EPHB1: variants seen among roughly 807,000 people sequenced by gnomAD.
EPHB1 encodes the protein ephrin type-B receptor 1.
In EPHB1, 30 loss-of-function variants were observed where a neutral mutation model predicts 94.4. That is an observed-to-expected ratio of 0.32 (90% CI 0.24 to 0.43). The LOEUF (loss-of-function observed/expected upper bound fraction) is 0.43. EPHB1 is among the 20% of genes least tolerant of loss of function. The probability of loss-of-function intolerance (pLI) is 1.00; values close to 1 mark genes in which losing one functional copy is unlikely to be tolerated. For missense variants in EPHB1, 1,055 were observed against 1,308.3 expected (o/e 0.81, Z 2.99); for synonymous variants, 522 against 489.1 (o/e 1.07, Z -0.89).
chr3:135,179,911 A>G lies in EPHB1; in HGVS notation c.1811A>G (p.Asn604Ser), dbSNP rs890270724. ...YIDPFTYEDP[N>S]EAVREFAKEI... ...GACCCCTTCACTTACGAGGATCCCA[A>G]CGAAGCTGTCCGGGAGTTTGCCAAG... is the stretch of plus-strand genomic sequence containing the variant. The change falls in exon 10 of 16, where the codon AAC becomes AGC. Residue 604 changes from asparagine (N) to serine (S), a missense_variant. Physicochemically the swap from Asn to Ser is conservative, Grantham distance 46. Transcript: ENST00000398015. The G allele has an allele frequency of 1.9e-5, 30 of 1,613,818 alleles. No homozygotes were observed. Among genetic ancestry groups the G allele is most frequent in the Non-Finnish European group, 2.5e-5 (29 of 1,179,844 alleles).
intron 9 of EPHB1, among the ~76,000 whole-genome samples, chr3:135,171,126 C>T (rs908921615): frequency 1.3e-5 from 2 of 152,086 alleles, no homozygotes; most frequent in African/African-American, 4.8e-5. Context: ...TGGGCATTCA[C>T]ATTTGAATTC....
chr3:135,040,603 CAT>C (rs1369565939), intron 3 of EPHB1, among the ~76,000 whole-genome samples: 1 of 152,234 alleles, frequency 6.6e-6, no homozygotes, highest in Non-Finnish European at 1.5e-5. Flanking sequence ...CTTGCACAGA[CAT>C]GTGCACACAT....
At chr3:134,830,733 C>A (rs1229626378) in intron 1 of EPHB1, among the ~76,000 whole-genome samples, 2 of 152,178 alleles carry the variant, frequency 1.3e-5, no homozygotes, top group African/African-American at 4.8e-5. Flanking sequence ...TCAAGGGTTC[C>A]CTTCTGGCCT....
intron 3 of EPHB1, among the ~76,000 whole-genome samples, chr3:135,012,733 T>A (rs1214947637): frequency 6.6e-6 from 1 of 152,106 alleles, no homozygotes; most frequent in Non-Finnish European, 1.5e-5. Context: ...CCTGCAGCTG[T>A]AGGAGGTCAA....
At chr3:135,081,091 G>A (rs1938147532) in intron 3 of EPHB1, among the ~76,000 whole-genome samples, 1 of 152,140 alleles carries the variant, frequency 6.6e-6, no homozygotes, top group South Asian at 2.1e-4. Flanking sequence ...AGGAGAATCA[G>A]GTGAAGGAGG....
chr3:134,944,016 A>C (rs1553869378), intron 2 of EPHB1, among the ~76,000 whole-genome samples: 1 of 152,242 alleles, frequency 6.6e-6, no homozygotes, highest in South Asian at 2.1e-4. Context: ...CAATTCAGTA[A>C]TTTTTTTGTA....
rs778449715 is a variant in EPHB1 at position 135,201,523 on chromosome 3, G to T, written c.2180G>T (p.Gly727Val). The change falls in exon 12 of 16, where the codon GGC becomes GTC. Residue 727 changes from glycine to valine, a missense_variant. Physicochemically the swap from Gly to Val is moderately radical, Grantham distance 109. Transcript: ENST00000398015. ...TVIQLVGMLR[G>V]IAAGMKYLAE... ...ATCCAGCTTGTGGGTATGCTCAGGGGCATCGCTGCTGGCATGAAGTACCTG... is the reference window on the plus strand; with the variant it reads ...ATCCAGCTTGTGGGTATGCTCAGGGTCATCGCTGCTGGCATGAAGTACCTG... The T allele has an allele frequency of 3.7e-6, 6 of 1,614,014 alleles. No individual in the cohort carries two copies. The Admixed American group carries it at 8.3e-5, about 22-fold the overall frequency.
intron 4 of EPHB1, among the ~76,000 whole-genome samples, chr3:135,115,859 T>C (rs1234310845): frequency 1.3e-5 from 2 of 152,216 alleles, no homozygotes; most frequent in African/African-American, 4.8e-5. Context: ...GTTGTCTTTG[T>C]TTGGGTTTTT....
intron 15 of EPHB1, among the ~76,000 whole-genome samples, chr3:135,251,127 T>C (rs1933068976): frequency 6.6e-6 from 1 of 152,032 alleles, no homozygotes. Context: ...TAGCTTTCGA[T>C]CCACTGAACA....
intron 1 of EPHB1, among the ~76,000 whole-genome samples, chr3:134,834,322 A>G (rs1168132320): frequency 6.6e-6 from 1 of 152,194 alleles, no homozygotes; most frequent in East Asian, 1.9e-4. Flanking sequence ...TTGGAGATCA[A>G]ACGCACATGT....
At chr3:135,013,232 C>T (rs2107749832) in intron 3 of EPHB1, among the ~76,000 whole-genome samples, 1 of 152,376 alleles carries the variant, frequency 6.6e-6, no homozygotes, top group South Asian at 2.1e-4. Flanking sequence ...GTCCCACCCT[C>T]TCAGGACCTT....
intron 5 of EPHB1, among the ~76,000 whole-genome samples, chr3:135,134,454 C>G (rs1362303165): frequency 1.3e-5 from 2 of 152,088 alleles, no homozygotes; most frequent in Non-Finnish European, 2.9e-5. Context: ...GAGAGCATGT[C>G]TGTCCAGATG....
chr3:134,868,479 G>A (rs1201602171), intron 1 of EPHB1, among the ~76,000 whole-genome samples: 1 of 152,200 alleles, frequency 6.6e-6, no homozygotes, highest in Non-Finnish European at 1.5e-5. Flanking sequence ...AAATTGATTT[G>A]GAAGGTAAAA....
chr3:134,871,190 C>T (rs1260804639), intron 1 of EPHB1, among the ~76,000 whole-genome samples: 1 of 152,202 alleles, frequency 6.6e-6, no homozygotes, highest in African/African-American at 2.4e-5. Context: ...CTCAAGGAAC[C>T]TGAGAGCAGT....
chr3:135,069,556 G>A (rs760835166), intron 3 of EPHB1, among the ~76,000 whole-genome samples: 6 of 152,144 alleles, frequency 3.9e-5, no homozygotes, highest in Non-Finnish European at 7.4e-5. Flanking sequence ...TTCACAGCTG[G>A]GTGAGGCCTT....
At chr3:135,085,115 G>A (rs1938307152) in intron 3 of EPHB1, among the ~76,000 whole-genome samples, 1 of 152,132 alleles carries the variant, frequency 6.6e-6, no homozygotes, top group Non-Finnish European at 1.5e-5. Flanking sequence ...GCAACATTCT[G>A]GGCCACTGGC....
At chr3:135,010,574 T>C (rs1935586404) in intron 3 of EPHB1, among the ~76,000 whole-genome samples, 1 of 149,810 alleles carries the variant, frequency 6.7e-6, no homozygotes, top group Admixed American at 6.6e-5. Flanking sequence ...TTTTTTTTTT[T>C]TTTTTTTACG....
intron 12 of EPHB1, among the ~76,000 whole-genome samples, chr3:135,229,189 G>A (rs1249525920): frequency 6.6e-6 from 1 of 152,204 alleles, no homozygotes; most frequent in Non-Finnish European, 1.5e-5. Context: ...AGGGAGGCAG[G>A]TGGAGCAGCT....
chr3:135,081,526 G>GT (rs1365455056), intron 3 of EPHB1, among the ~76,000 whole-genome samples: 3 of 152,162 alleles, frequency 2.0e-5, no homozygotes, highest in Admixed American at 2.0e-4. Flanking sequence ...GAGGCAAGTA[G>GT]TACATAGAAA....
Sources: allele counts gnomAD v4.1 joint callset (sites outside exome capture counted in the v4.1 genomes callset), GRCh38; gene constraint gnomAD v4.1.1; transcripts MANE v1.5; gene names NCBI Gene and HGNC (gene_info 2026-07-23, HGNC 2026-07-21).